The following FAM161A variants were observed in gnomAD, a reference collection of about 807,000 sequenced individuals.
FAM161A encodes FAM161 centrosomal protein A.
FAM161A carries 57 observed loss-of-function variants against 70.9 expected under a neutral mutation model. The ratio of observed to expected loss-of-function variants is 0.80; its 90% CI spans 0.65 to 1.00. The LOEUF is 1.00. Ranked by LOEUF, FAM161A falls within the 50% of genes least tolerant of loss-of-function variation. The pLI, the probability that FAM161A is intolerant of heterozygous loss-of-function variation, is 0.00. For synonymous variants in FAM161A, 299 were observed against 295.7 expected, an observed-to-expected ratio of 1.01 and a Z score of -0.12; for missense variants, 880 against 836.0, an observed-to-expected ratio of 1.05 and a Z score of -0.65.
chr2:61,829,347 T>A lies in FAM161A; in HGVS notation c.1852-2089A>T, dbSNP rs539880224. Among the ~76,000 whole-genome samples, 21 of 152,278 alleles carry A rather than the reference T, an allele frequency of 1.4e-4. No individual in the cohort carries two copies. In the South Asian group the frequency reaches 1.7e-3, roughly 12 times the overall value. The stretch of plus-strand genomic sequence containing the variant: ...TATAATGAGGGGCCATGGAGTCTAG[T>A]GTTACACAGGAGAACCTGAAATAGC... On this transcript the variant is annotated intron_variant, in intron 5 of 6. Transcript: ENST00000404929.
At chr2:61,806,982 A>T in the FAM161A span, among the ~76,000 whole-genome samples, 1 of 152,080 alleles carries the variant, frequency 6.6e-6, no homozygotes, top group Admixed American at 6.6e-5. Context: ...GTGAGCCACC[A>T]CACCCAGCTC....
At chr2:61,821,441 C>T (rs1672199879), downstream of FAM161A, among the ~76,000 whole-genome samples, 1 of 152,066 alleles carries the variant, frequency 6.6e-6, no homozygotes. Flanking sequence ...TTGCCAAAGA[C>T]CACAGTCTTA....
chr2:61,840,392 T>C lies in FAM161A; in HGVS notation c.612A>G (p.Thr204=). 1 of 1,614,168 alleles carries C rather than the reference T, an allele frequency of 6.2e-7. No individual in the cohort carries two copies. Among genetic ancestry groups the C allele is most frequent in the Non-Finnish European group, 8.5e-7 (1 of 1,180,036 alleles). ...YAKELINNMW[T]DFCVEDYIRC... The stretch of plus-strand genomic sequence containing the variant: ...GAATATAATCCTCAACACAAAAGTC[T>C]GTCCACATATTGTTGATGAGCTCCT... Residue 204 remains threonine (T), a synonymous_variant, in exon 3 of 7, where the codon ACA becomes ACG. Transcript: ENST00000404929.
chr2:61,844,313 T>C (rs1673128002), intron 1 of FAM161A, among the ~76,000 whole-genome samples: 1 of 152,220 alleles, frequency 6.6e-6, no homozygotes, highest in Non-Finnish European at 1.5e-5. Flanking sequence ...ATCTGCAGGA[T>C]GACTACTTTG....
At chr2:61,828,448 C>T (rs1216442636) in intron 5 of FAM161A, among the ~76,000 whole-genome samples, 5 of 152,092 alleles carry the variant, frequency 3.3e-5, no homozygotes, top group Admixed American at 2.6e-4. Flanking sequence ...CCCACCTCAG[C>T]CTCTGGAGTA....
downstream of FAM161A, among the ~76,000 whole-genome samples, chr2:61,820,722 A>G (rs1323282716): frequency 6.6e-6 from 1 of 152,206 alleles, no homozygotes; most frequent in South Asian, 2.1e-4. Context: ...TATACATGAA[A>G]TATGTCTGTG....
chr2:61,838,626 A>G lies in FAM161A; in HGVS notation c.1663T>C (p.Leu555=). The G allele has an allele frequency of 6.2e-7, 1 of 1,611,832 alleles. No homozygotes were observed. The highest frequency in any genetic ancestry group is 8.5e-7 in the Non-Finnish European group (1 of 1,179,378). Residue 555 remains leucine, a synonymous_variant, in exon 4 of 7, where the codon TTG becomes CTG. Transcript: ENST00000404929. ...LTKQKQRMKE[L]QKLLTTRAKA... ...GCCCGGGTTGTCAGGAGTTTCTGCA[A>G]TTCTTTCATTCTTTGCTTCTGTTTA...
downstream of FAM161A, among the ~76,000 whole-genome samples, chr2:61,822,656 G>A (rs1035398509): frequency 1.3e-5 from 2 of 151,920 alleles, no homozygotes; most frequent in South Asian, 2.1e-4. Context: ...GCACAATCTC[G>A]GCTCACTGCA....
downstream of FAM161A, among the ~76,000 whole-genome samples, chr2:61,820,763 G>T (rs1199248749): frequency 6.6e-6 from 1 of 152,192 alleles, no homozygotes; most frequent in Non-Finnish European, 1.5e-5. Flanking sequence ...GGGCTAGAGA[G>T]TGGGAATATA....
Position 61,826,427 on chromosome 2 carries a change from A to T in FAM161A, c.*28T>A. On this transcript the variant is annotated 3_prime_UTR_variant, in exon 7 of 7. Coordinates refer to ENST00000404929, the MANE Select transcript of FAM161A (RefSeq NM_001201543.2). The stretch of plus-strand genomic sequence containing the variant: ...ACACCCTGACGCTGCAAACAACAGC[A>T]AGGGCATAGAGAGGAGACCTTGATG... 6.2e-7 allele frequency: 1 copy of T among 1,610,904 alleles called. No individual in the cohort carries two copies. The highest frequency in any genetic ancestry group is 1.1e-5 in the South Asian group (1 of 90,440).
chr2:61,815,690 A>G, the FAM161A span, among the ~76,000 whole-genome samples: 1 of 151,880 alleles, frequency 6.6e-6, no homozygotes, highest in Non-Finnish European at 1.5e-5. Context: ...AACTGGGATT[A>G]CAGGCATGTG....
At chr2:61,822,406 A>G (rs1229363888), downstream of FAM161A, among the ~76,000 whole-genome samples, 1 of 152,184 alleles carries the variant, frequency 6.6e-6, no homozygotes, top group African/African-American at 2.4e-5. Context: ...AGAATTTAGG[A>G]CAAAGTAATT....
At chr2:61,811,913 C>T in the FAM161A span, among the ~76,000 whole-genome samples, 683 of 152,266 alleles carry the variant, frequency 4.5e-3, 14 homozygotes, top group African/African-American at 0.016. Flanking sequence ...CTAGAAGGCC[C>T]CATAGAATCT....
At chr2:61,846,979 C>T (rs1287490777) in intron 1 of FAM161A, 2 of 433,252 alleles carry the variant, frequency 4.6e-6, no homozygotes, top group Non-Finnish European at 9.1e-6. Flanking sequence ...ATCTGGCCAA[C>T]ATGGTGAAAC....
the FAM161A span, among the ~76,000 whole-genome samples, chr2:61,806,680 C>CTTTTTT: frequency 0.011 from 704 of 61,596 alleles, 144 homozygotes; most frequent in East Asian, 0.027. Flanking sequence ...CTTTCCACGT[C>CTTTTTT]TTTTTTTTTT....
chr2:61,821,528 A>AT (rs1200366573), downstream of FAM161A, among the ~76,000 whole-genome samples: 1 of 151,956 alleles, frequency 6.6e-6, no homozygotes, highest in Non-Finnish European at 1.5e-5. Context: ...TAACTAGAAA[A>AT]TTTTACAAGC....
At chr2:61,845,084 C>T (rs942279233) in intron 1 of FAM161A, among the ~76,000 whole-genome samples, 2 of 152,090 alleles carry the variant, frequency 1.3e-5, no homozygotes, top group African/African-American at 4.8e-5. Context: ...ACAGGAGCCA[C>T]CAATCCACAC....
rs1177586301 is a variant in FAM161A, at chr2:61,839,815, G to A, written c.1189C>T (p.Pro397Ser). The A allele has an allele frequency of 6.2e-7, 1 of 1,614,202 alleles. No individual in the cohort carries two copies. The highest frequency in any genetic ancestry group is 1.7e-5 in the Admixed American group (1 of 60,022). ...RAQEHLQNSS[P>S]LPCRSACGCR... ...CCACAAGCTGACCTACAAGGCAGAG[G>A]AGATGAGTTCTGTAAATGCTCCTGG... The change falls in exon 3 of 7, where the codon CCT becomes TCT. Residue 397 changes from proline to serine, a missense_variant. Transcript: ENST00000404929.
the FAM161A span, among the ~76,000 whole-genome samples, chr2:61,816,455 TTTTG>T: frequency 2.0e-5 from 3 of 151,892 alleles, no homozygotes; most frequent in Non-Finnish European, 2.9e-5. Context: ...ACTGAGGGTT[TTTTG>T]TTTGTTTGTT....
Sources: gnomAD v4.1 joint callset for allele counts (sites outside exome capture counted in the v4.1 genomes callset) on GRCh38, gnomAD v4.1.1 for gene constraint, MANE v1.5 for transcripts, NCBI Gene and HGNC (gene_info 2026-07-23, HGNC 2026-07-21) for gene names.